CELF5: variants seen among roughly 807,000 people sequenced by gnomAD.
CELF5 encodes the protein CUGBP Elav-like family member 5, also known as CUG-BP and ETR-3 like factor 5.
Under a neutral mutation model 54.9 loss-of-function variants are expected in CELF5, and 6 were observed. The ratio of observed to expected loss-of-function variants is 0.11; its 90% CI spans 0.06 to 0.22. The LOEUF is 0.22. CELF5 is among the 10% of genes least tolerant of loss of function. The pLI is 1.00. For missense variants in CELF5, 401 were observed against 678.6 expected, an observed-to-expected ratio of 0.59 and a Z score of 4.54; for synonymous variants, 271 against 290.9, an observed-to-expected ratio of 0.93 and a Z score of 0.70.
chr19:3,235,600 GAA>G, intron 1 of CELF5, among the ~76,000 whole-genome samples: 1 of 151,896 alleles, frequency 6.6e-6, no homozygotes, highest in Non-Finnish European at 1.5e-5. Flanking sequence ...ATGGATGAAT[GAA>G]TGGATGGGTG....
chr19:3,264,169 T>C (rs1339665667), intron 2 of CELF5, among the ~76,000 whole-genome samples: 1 of 151,408 alleles, frequency 6.6e-6, no homozygotes. Context: ...AGCTACTCAG[T>C]AGGCTGAGGC....
At chr19:3,240,209 G>A (rs2079472347) in intron 1 of CELF5, among the ~76,000 whole-genome samples, 1 of 151,960 alleles carries the variant, frequency 6.6e-6, no homozygotes, top group Non-Finnish European at 1.5e-5. Flanking sequence ...TAGAGACGGG[G>A]TTTCATCATG....
rs1200218183 is a variant in CELF5, at chr19:3,268,209, G to A, written c.343-5663G>A. On this transcript the variant is annotated intron_variant, in intron 2 of 12. Transcript: ENST00000292672. This position sits in a 1 kb window ranked among gnomAD's most constrained non-coding sequence, Gnocchi z 4.4. ...AGATGCGGTTTTACCGTGTTGGCCAGGCTGGTCTCGAACTCCTGACCTCAG... is the reference window on the plus strand; with the variant it reads ...AGATGCGGTTTTACCGTGTTGGCCAAGCTGGTCTCGAACTCCTGACCTCAG... Among the ~76,000 whole-genome samples the A allele has an allele frequency of 6.6e-6, 1 of 151,956 alleles. No individual in the cohort carries two copies.
intron 3 of CELF5, among the ~76,000 whole-genome samples, chr19:3,274,529 C>T (rs79049673): frequency 0.014 from 2,203 of 152,246 alleles, 18 homozygotes; most frequent in Non-Finnish European, 0.023. Context: ...ACATGTGTGC[C>T]TGACTGTTGG....
intron 1 of CELF5, among the ~76,000 whole-genome samples, chr19:3,242,020 C>T (rs1302704560): frequency 5.9e-5 from 9 of 152,198 alleles, no homozygotes. Context: ...GGTTATCCAC[C>T]TGCCTTGGCC....
rs1462147509 is a variant in CELF5, at chr19:3,288,782, A to G, written c.1187-1449A>G. On this transcript the variant is annotated intron_variant, in intron 10 of 12. Transcript: ENST00000292672. ...GGGATTGCTTGAATCTAGGAGTTAGAGGCTGCAGTGAGCTATGATTGTGCC... is the reference window on the plus strand; with the variant it reads ...GGGATTGCTTGAATCTAGGAGTTAGGGGCTGCAGTGAGCTATGATTGTGCC... 2.6e-5 allele frequency among the ~76,000 whole-genome samples: 4 copies of G among 152,112 alleles called. No individual in the cohort carries two copies. In the East Asian group the frequency reaches 7.7e-4, roughly 29 times the overall value.
At position 3,275,708 on chromosome 19, in the gene CELF5, T is replaced by G. The variant is rs1369036829; in HGVS notation, c.395-148T>G. The G allele has an allele frequency of 5.0e-6, 4 of 793,188 alleles. No homozygotes were observed. The African/African-American group carries it at 7.1e-5, about 14-fold the overall frequency. 49.1% of individuals were successfully genotyped at this position (793,188 alleles called of 1,614,324 possible). A position where few individuals can be genotyped will look rare whatever the true frequency, so the allele number is the denominator to read the frequency against. On this transcript the variant is annotated intron_variant, in intron 3 of 12. Transcript: ENST00000292672. The surrounding 1 kb of genome is among the most constrained non-coding windows in gnomAD (Gnocchi z 6.7). ...GCAGGGAAAGGGCGCGGCTGGGTCC[T>G]CCCTCGCACGCGCAGAACCGGAGCC...
In CELF5 at chr19:3,244,930, T is replaced by A. The variant is rs552904774; in HGVS notation, c.260-6055T>A. On this transcript the variant is annotated intron_variant, in intron 1 of 12. Coordinates refer to ENST00000292672, the MANE Select transcript of CELF5 (RefSeq NM_021938.4). Reference sequence around the variant, plus strand: ...TGGTGTGTGCATACATCTGTACGTGTGTGTGTGGTGTGTGGTGTGTGCATG... The same window carrying A: ...TGGTGTGTGCATACATCTGTACGTGAGTGTGTGGTGTGTGGTGTGTGCATG... Among the ~76,000 whole-genome samples the A allele has an allele frequency of 3.4e-5, 5 of 148,290 alleles. No homozygotes were observed. In the East Asian group the frequency reaches 1.0e-3, roughly 30 times the overall value.
intron 10 of CELF5, among the ~76,000 whole-genome samples, chr19:3,287,034 C>CAAAAAAAA (rs55661552): frequency 9.7e-6 from 1 of 103,538 alleles, no homozygotes; most frequent in African/African-American, 3.8e-5. Flanking sequence ...GACTCCGTCT[C>CAAAAAAAA]AAAAAAAAAA....
intron 2 of CELF5, among the ~76,000 whole-genome samples, chr19:3,270,418 G>A (rs1026611905): frequency 4.6e-5 from 7 of 152,130 alleles, no homozygotes; most frequent in Non-Finnish European, 1.0e-4. Context: ...GGGAGGAGGT[G>A]GGCAGAGCCA....
chr19:3,234,910 C>T (rs540873968), intron 1 of CELF5, among the ~76,000 whole-genome samples: 41 of 152,192 alleles, frequency 2.7e-4, no homozygotes, highest in African/African-American at 9.6e-4. Context: ...AGTCTGTCCT[C>T]CCCGCAGCAG....
intron 1 of CELF5, among the ~76,000 whole-genome samples, chr19:3,227,264 T>C (rs1309614537): frequency 6.6e-6 from 1 of 152,094 alleles, no homozygotes; most frequent in Non-Finnish European, 1.5e-5. Context: ...GGCTCAGCTG[T>C]GTGACTTCTG....
In CELF5 at chr19:3,226,300, TGAAG is replaced by T. The variant is rs993632972; in HGVS notation, c.259+1304_259+1307del. ...ATGAATGAATGAATGAATGAATGAA[TGAAG>T]GGGTTCAAGAAGGCCCTAGGGAGGG... On this transcript the variant is annotated intron_variant, in intron 1 of 12. Transcript: ENST00000292672. Among the ~76,000 whole-genome samples the T allele has an allele frequency of 8.9e-5, 13 of 145,638 alleles. No homozygotes were observed. In the South Asian group the frequency reaches 1.6e-3, roughly 18 times the overall value.
chr19:3,290,812 C>G (rs1211546751), intron 11 of CELF5, among the ~76,000 whole-genome samples: 1 of 150,832 alleles, frequency 6.6e-6, no homozygotes, highest in African/African-American at 2.4e-5. Context: ...GTGATCTGCC[C>G]GCCTCGGCCT....
chr19:3,292,040 G>A (rs1448430064), intron 11 of CELF5, among the ~76,000 whole-genome samples: 2 of 152,018 alleles, frequency 1.3e-5, no homozygotes, highest in Non-Finnish European at 2.9e-5. Flanking sequence ...TCTGCCTCTT[G>A]GGTTCAAGTG....
At position 3,281,460 on chromosome 19, in the gene CELF5, GCGTGGCTGAACCCCAACTC is replaced by G; in HGVS notation, c.750+117_750+135del. 8.0e-7 allele frequency: 1 copy of G among 1,244,062 alleles called. No individual in the cohort carries two copies. Among genetic ancestry groups the G allele is most frequent in the Non-Finnish European group, 1.1e-6 (1 of 895,850 alleles). 77.1% of individuals were successfully genotyped at this position (1,244,062 alleles called of 1,614,324 possible). ...CTCCCTGACTCAGGGTCCTCTCCTG[GCGTGGCTGAACCCCAACTC>G]CAAATTGAGACCAAGCTCAGACCGA... is the stretch of plus-strand genomic sequence containing the variant. On this transcript the variant is annotated intron_variant, in intron 6 of 12. Coordinates refer to ENST00000292672, the MANE Select transcript of CELF5 (RefSeq NM_021938.4). This position sits in a 1 kb window ranked among gnomAD's most constrained non-coding sequence, Gnocchi z 6.5.
intron 1 of CELF5, among the ~76,000 whole-genome samples, chr19:3,235,686 A>T (rs1185463248): frequency 2.2e-5 from 2 of 91,174 alleles, no homozygotes; most frequent in East Asian, 3.6e-4. Context: ...GGATGTGTGG[A>T]TGGGTGGATG....
At position 3,293,627 on chromosome 19, in the gene CELF5, GC is replaced by G. The variant is rs2080388702; in HGVS notation, c.*40+142del. The G allele has an allele frequency of 4.2e-6, 3 of 717,106 alleles. No individual in the cohort carries two copies. The Admixed American group carries it at 8.8e-5, about 21-fold the overall frequency. The allele number at this position is 717,106 out of a possible 1,614,324, so 44.4% of individuals were successfully genotyped here. On this transcript the variant is annotated intron_variant, in intron 12 of 12. Coordinates refer to ENST00000292672, the MANE Select transcript of CELF5 (RefSeq NM_021938.4). ...TACAAGAAACCTCCGGGTTGGGTTG[GC>G]GGGGACAGAGCTGGATGTAGACACC...
chr19:3,237,311 CAAAAAAAAAAAAAAA>C (rs1182124877), intron 1 of CELF5, among the ~76,000 whole-genome samples: 2 of 42,254 alleles, frequency 4.7e-5, no homozygotes, highest in South Asian at 9.4e-4. Context: ...GACTCCGTCT[CAAAAAAAAAAAAAAA>C]AAAAAAAAAA....
Sources: allele counts gnomAD v4.1 joint callset (sites outside exome capture counted in the v4.1 genomes callset), GRCh38; gene constraint gnomAD v4.1.1; non-coding constraint Gnocchi (gnomAD v3.1); transcripts MANE v1.5; gene names NCBI Gene and HGNC (gene_info 2026-07-23, HGNC 2026-07-21).